Variants in ANKRD29 observed in about 807,000 individuals in gnomAD.
The protein encoded by ANKRD29 is ankyrin repeat domain 29.
ANKRD29 carries 32 observed loss-of-function variants against 38.0 expected under a neutral mutation model. The observed-to-expected ratio is 0.84, with a 90% CI of 0.64 to 1.13. The LOEUF is 1.13. Ranked by LOEUF, ANKRD29 falls within the 50% of genes most tolerant of loss-of-function variation. The pLI, the probability that ANKRD29 is intolerant of heterozygous loss-of-function variation, is 0.00. For missense variants in ANKRD29, 357 were observed against 377.9 expected (o/e 0.94, Z 0.46); for synonymous variants, 135 against 152.4 (o/e 0.89, Z 0.84).
At chr18:23,649,031 C>T (rs117566523) in intron 2 of ANKRD29, 52 bp downstream of exon 2, 16,711 of 1,468,902 alleles carry the variant, frequency 0.011, 104 homozygotes, top group Non-Finnish European at 0.014. Context: ...TGCTCCTGTG[C>T]CCACAGAGGG....
chr18:23,650,787 T>C (rs112787601), intron 1 of ANKRD29, among the ~76,000 whole-genome samples: 1 of 152,208 alleles, frequency 6.6e-6, no homozygotes, highest in Non-Finnish European at 1.5e-5. Flanking sequence ...GCTGATTAAG[T>C]GCCAGTTTCC....
rs151261139 is a variant in ANKRD29 at position 23,645,021 on chromosome 18, T to C, written c.231+1168A>G. 1.6e-3 allele frequency among the ~76,000 whole-genome samples: 247 copies of C among 152,292 alleles called. 1 individual carries two copies. Among genetic ancestry groups the C allele is most frequent in the African/African-American group, 5.7e-3 (239 of 41,566 alleles). ...CAGGCTGGAAGAATGAGATATACGA[T>C]ATACTGGCTTGATGAAAGTTTGGTT... On this transcript the variant is annotated intron_variant, in intron 3 of 9. Coordinates refer to ENST00000592179, the MANE Select transcript of ANKRD29 (RefSeq NM_173505.4).
At chr18:23,622,038 C>T (rs536187807) in intron 6 of ANKRD29, among the ~76,000 whole-genome samples, 4 of 152,104 alleles carry the variant, frequency 2.6e-5, no homozygotes, top group South Asian at 2.1e-4. Context: ...GGTTTCCATA[C>T]GACTGCAGTG....
chr18:23,634,276 CTGTT>C, intron 4 of ANKRD29, 127 bp from the exon 5 acceptor site: 3 of 447,530 alleles, frequency 6.7e-6, no homozygotes, highest in African/African-American at 2.7e-5. Context: ...CTCACTTTCC[CTGTT>C]TTTTTTTTTT....
Position 23,662,793 on chromosome 18 carries a change from C to T in ANKRD29, c.-63G>A, listed in dbSNP as rs1598561157. On this transcript the variant is annotated 5_prime_UTR_variant, in exon 1 of 10. Transcript: ENST00000592179. ...GCCCGGGGCGCCTTGTCCTCCCCGG[C>T]CCTTCACTCTCCCGGGGCTCTCGGC... The T allele has an allele frequency of 2.9e-6, 4 of 1,383,900 alleles. No homozygotes were observed. In the South Asian group the frequency reaches 6.1e-5, roughly 21 times the overall value. 85.7% of individuals were successfully genotyped at this position (1,383,900 alleles called of 1,614,324 possible).
intron 1 of ANKRD29, among the ~76,000 whole-genome samples, chr18:23,660,273 T>A (rs1413549428): frequency 1.3e-5 from 2 of 152,234 alleles, no homozygotes; most frequent in Admixed American, 6.5e-5. Context: ...ATTACAGTTT[T>A]GTATTTGCAT....
chr18:23,614,168 T>G (rs1258281584), intron 8 of ANKRD29, among the ~76,000 whole-genome samples: 1 of 152,056 alleles, frequency 6.6e-6, no homozygotes, highest in Non-Finnish European at 1.5e-5. Context: ...CCTCCCAGGT[T>G]CTCCTGCCTC....
intron 6 of ANKRD29, among the ~76,000 whole-genome samples, chr18:23,621,208 G>A (rs1270298201): frequency 6.6e-6 from 1 of 152,198 alleles, no homozygotes; most frequent in Admixed American, 6.5e-5. Context: ...TACCCATCGG[G>A]GGAAGGGGGG....
At chr18:23,622,813 C>T (rs149563944) in intron 6 of ANKRD29, among the ~76,000 whole-genome samples, 600 of 152,310 alleles carry the variant, frequency 3.9e-3, no homozygotes, top group Non-Finnish European at 6.0e-3. Context: ...GTGATCCACC[C>T]GCCTTGGTCT....
At chr18:23,646,114 A>G in intron 3 of ANKRD29, 75 bp downstream of exon 3, 1 of 1,359,368 alleles carries the variant, frequency 7.4e-7, no homozygotes. Flanking sequence ...CTTGTCCCCC[A>G]TACCAGTTCA....
chr18:23,646,281 TG>T lies in ANKRD29; in HGVS notation c.138del (p.Thr47ProfsTer4). ...RVDVDCRDSH[G>X]TTLLMVAAYA... ...TAGGCAGCAACCATCAGGAGTGTGG[TG>T]CCATGCTGGATGGAGGAGAGACAGA... is the stretch of plus-strand genomic sequence containing the variant. On this transcript the variant is annotated frameshift_variant, in exon 3 of 10. Transcript: ENST00000592179. LOFTEE classifies it high-confidence loss of function. The T allele has an allele frequency of 6.2e-7, 1 of 1,613,814 alleles. No individual in the cohort carries two copies.
chr18:23,601,910 A>G (rs970752324), intron 9 of ANKRD29, among the ~76,000 whole-genome samples: 2 of 151,872 alleles, frequency 1.3e-5, no homozygotes, highest in Admixed American at 6.6e-5. Context: ...CTTCTGCCTC[A>G]GCTTCCAAAG....
chr18:23,605,843 A>T (rs2059569053), intron 9 of ANKRD29, among the ~76,000 whole-genome samples: 1 of 152,136 alleles, frequency 6.6e-6, no homozygotes, highest in South Asian at 2.1e-4. Context: ...ACAAAATTTT[A>T]AAAAGATGTA....
chr18:23,613,759 C>G (rs149441851), intron 8 of ANKRD29, among the ~76,000 whole-genome samples: 2 of 151,720 alleles, frequency 1.3e-5, no homozygotes, highest in African/African-American at 4.8e-5. Flanking sequence ...GCCACACACC[C>G]GGCTAATTTT....
chr18:23,611,678 C>G (rs1202376989), intron 9 of ANKRD29, among the ~76,000 whole-genome samples: 1 of 151,962 alleles, frequency 6.6e-6, no homozygotes, highest in African/African-American at 2.4e-5. Flanking sequence ...GAGCGAGACT[C>G]CCTCTCAAAG....
intron 6 of ANKRD29, among the ~76,000 whole-genome samples, chr18:23,623,343 T>C (rs975362849): frequency 3.3e-5 from 5 of 152,216 alleles, no homozygotes; most frequent in Non-Finnish European, 1.5e-5. Flanking sequence ...GGGAGTTGCA[T>C]GTGAGTTAGA....
At chr18:23,628,766 G>A (rs886262661) in intron 6 of ANKRD29, among the ~76,000 whole-genome samples, 8 of 150,724 alleles carry the variant, frequency 5.3e-5, no homozygotes, top group Non-Finnish European at 8.8e-5. Flanking sequence ...CCCAGGAGGC[G>A]AAGGTTACAA....
rs111546184 is a variant in ANKRD29, at chr18:23,635,290, T to TAA, written c.331-1143_331-1142dup. On this transcript the variant is annotated intron_variant, in intron 4 of 9. Transcript: ENST00000592179. ...TGTCAAAACAAACAAATAAAAAAAG[T>TAA]AAAAAAAAAAAAAAAAACCCAACTA... Among the ~76,000 whole-genome samples, 15 of 103,244 alleles carry TAA rather than the reference T, an allele frequency of 1.5e-4. 1 individual carries two copies. Among genetic ancestry groups the TAA allele is most frequent in the South Asian group, 6.0e-4 (2 of 3,344 alleles). The allele number at this position is 103,244 out of a possible 152,430, so 67.7% of individuals were successfully genotyped here. A position where few individuals can be genotyped will look rare whatever the true frequency, so the allele number is the denominator to read the frequency against.
chr18:23,623,217 A>T (rs1382714623), intron 6 of ANKRD29, among the ~76,000 whole-genome samples: 3 of 152,074 alleles, frequency 2.0e-5, no homozygotes, highest in Non-Finnish European at 2.9e-5. Flanking sequence ...TCTTCCATCG[A>T]CCCTGTGAGA....
Sources: gnomAD v4.1 joint callset for allele counts (sites outside exome capture counted in the v4.1 genomes callset) on GRCh38, gnomAD v4.1.1 for gene constraint, MANE v1.5 for transcripts, NCBI Gene and HGNC (gene_info 2026-07-23, HGNC 2026-07-21) for gene names.